MAF: variants seen among roughly 807,000 people sequenced by gnomAD.
MAF encodes transcription factor Maf.
In MAF, 10 loss-of-function variants were observed where a neutral mutation model predicts 22.0. The observed-to-expected ratio is 0.45, with a 90% CI of 0.28 to 0.77. The LOEUF (loss-of-function observed/expected upper bound fraction) is 0.77, where lower values mean the gene tolerates loss of function less well. MAF is among the 30% of genes least tolerant of loss of function. The pLI, the probability that MAF is intolerant of heterozygous loss-of-function variation, is 0.12. For synonymous variants in MAF, 337 were observed against 255.8 expected (o/e 1.32, Z -3.03); for missense variants, 544 against 548.4 (o/e 0.99, Z 0.08).
chr16:79,255,252 C>T, the MAF span, among the ~76,000 whole-genome samples: 1 of 152,214 alleles, frequency 6.6e-6, no homozygotes, highest in Non-Finnish European at 1.5e-5. Context: ...TTAGCTTTGC[C>T]TTTTCTGTGA....
the MAF span, among the ~76,000 whole-genome samples, chr16:79,342,660 T>C: frequency 1.3e-5 from 2 of 152,170 alleles, no homozygotes; most frequent in East Asian, 1.9e-4. Context: ...ATCACCATCA[T>C]CATAACAAAA....
the MAF span, among the ~76,000 whole-genome samples, chr16:79,347,180 T>C: frequency 6.6e-6 from 1 of 152,234 alleles, no homozygotes; most frequent in Non-Finnish European, 1.5e-5. Flanking sequence ...AGAACTTCCA[T>C]GAGAAAGAAG....
At chr16:79,535,797 T>C in the MAF span, among the ~76,000 whole-genome samples, 1 of 151,904 alleles carries the variant, frequency 6.6e-6, no homozygotes, top group Non-Finnish European at 1.5e-5. Context: ...GCAAGGCTAA[T>C]CTTGAACTCC....
the MAF span, among the ~76,000 whole-genome samples, chr16:79,365,629 A>G: frequency 6.6e-6 from 1 of 152,076 alleles, no homozygotes; most frequent in African/African-American, 2.4e-5. Flanking sequence ...ACCTGGTCTC[A>G]ACAGGGCTCA....
the MAF span, among the ~76,000 whole-genome samples, chr16:79,224,819 C>G: frequency 1.3e-5 from 2 of 152,092 alleles, no homozygotes; most frequent in Admixed American, 6.5e-5. Flanking sequence ...TATGAAAGAC[C>G]TCTTCAAGGA....
At chr16:79,408,997 A>C in the MAF span, among the ~76,000 whole-genome samples, 10 of 147,024 alleles carry the variant, frequency 6.8e-5, no homozygotes, top group Non-Finnish European at 4.5e-5. Context: ...CAGAGTTTTC[A>C]AATTGCGTGT....
chr16:79,570,976 C>A, the MAF span, among the ~76,000 whole-genome samples: 6 of 152,170 alleles, frequency 3.9e-5, no homozygotes, highest in African/African-American at 4.8e-5. Context: ...TCTGTTCTAG[C>A]ATTCTCATCT....
At chr16:79,218,069 A>C in the MAF span, among the ~76,000 whole-genome samples, 1 of 149,618 alleles carries the variant, frequency 6.7e-6, no homozygotes, top group Admixed American at 7.1e-5. Flanking sequence ...GTGTCTTTCA[A>C]TATATCCAAG....
chr16:79,598,192 G>C (rs1301570035), intron 1 of MAF: 5 of 1,051,382 alleles, frequency 4.8e-6, no homozygotes, highest in Non-Finnish European at 4.6e-6. Flanking sequence ...TCTCGGAAGA[G>C]ATGGGTTGAG....
the MAF span, among the ~76,000 whole-genome samples, chr16:79,394,890 G>A: frequency 6.6e-6 from 1 of 152,134 alleles, no homozygotes; most frequent in Non-Finnish European, 1.5e-5. Context: ...AACATCTGCT[G>A]TTAGGAGGCC....
chr16:79,222,196 G>T, the MAF span, among the ~76,000 whole-genome samples: 3 of 152,238 alleles, frequency 2.0e-5, no homozygotes, highest in Middle Eastern at 0.01. Flanking sequence ...CATTATTAAA[G>T]AAAAGAATTT....
At chr16:79,503,325 C>G in the MAF span, among the ~76,000 whole-genome samples, 1 of 152,108 alleles carries the variant, frequency 6.6e-6, no homozygotes, top group African/African-American at 2.4e-5. Flanking sequence ...TAGCCACAAC[C>G]ACAAAGCGAC....
At chr16:79,425,440 T>C in the MAF span, among the ~76,000 whole-genome samples, 31 of 152,352 alleles carry the variant, frequency 2.0e-4, no homozygotes, top group African/African-American at 7.5e-4. Flanking sequence ...CTAGGAACTC[T>C]AGCAAACTCA....
chr16:79,213,793 A>G, the MAF span, among the ~76,000 whole-genome samples: 1 of 151,806 alleles, frequency 6.6e-6, no homozygotes, highest in African/African-American at 2.4e-5. Context: ...GCAATGCAAA[A>G]GATAGTAAAA....
the MAF span, among the ~76,000 whole-genome samples, chr16:79,231,406 T>C: frequency 2.0e-5 from 3 of 152,110 alleles, no homozygotes; most frequent in Non-Finnish European, 4.4e-5. Flanking sequence ...ATCAAGGATG[T>C]AGTCTAAATC....
At chr16:79,307,169 G>A in the MAF span, among the ~76,000 whole-genome samples, 3 of 152,186 alleles carry the variant, frequency 2.0e-5, no homozygotes, top group African/African-American at 4.8e-5. Flanking sequence ...AATCATTAAC[G>A]GGAGGTTTGA....
chr16:79,369,229 A>G, the MAF span, among the ~76,000 whole-genome samples: 1 of 152,200 alleles, frequency 6.6e-6, no homozygotes, highest in Non-Finnish European at 1.5e-5. Context: ...TCATTAATAG[A>G]TCCATTAAAT....
the MAF span, among the ~76,000 whole-genome samples, chr16:79,231,120 G>T: frequency 6.6e-6 from 1 of 152,016 alleles, no homozygotes; most frequent in Non-Finnish European, 1.5e-5. Flanking sequence ...TCTCAGGTGG[G>T]ATAGCAGGGA....
the MAF span, among the ~76,000 whole-genome samples, chr16:79,455,522 C>G: frequency 6.6e-6 from 1 of 152,096 alleles, no homozygotes; most frequent in Admixed American, 6.5e-5. Flanking sequence ...CCTTCAACTC[C>G]TCTAGTCTTC....
Sources: allele counts gnomAD v4.1 joint callset (sites outside exome capture counted in the v4.1 genomes callset), GRCh38; gene constraint gnomAD v4.1.1; transcripts MANE v1.5; gene names NCBI Gene and HGNC (gene_info 2026-07-23, HGNC 2026-07-21).